Variants in PARD3B observed in about 807,000 individuals in gnomAD.
PARD3B encodes the protein par-3 family cell polarity regulator beta, also known as partitioning defective 3 homolog B.
In PARD3B, 103 loss-of-function variants were observed where a neutral mutation model predicts 130.2. The ratio of observed to expected loss-of-function variants is 0.79; its 90% CI spans 0.67 to 0.93. The LOEUF (loss-of-function observed/expected upper bound fraction) is 0.93, where lower values mean the gene tolerates loss of function less well. Among genes scored for constraint, PARD3B ranks in the 40% least tolerant of loss-of-function variants. PARD3B has a pLI of 0.00. For synonymous variants in PARD3B, 583 were observed against 553.2 expected (o/e 1.05, Z -0.76); for missense variants, 1,609 against 1,499.2 (o/e 1.07, Z -1.21).
chr2:205,364,601 C>G (rs192185283), intron 18 of PARD3B, among the ~76,000 whole-genome samples: 1 of 152,294 alleles, frequency 6.6e-6, no homozygotes, highest in Non-Finnish European at 1.5e-5. Flanking sequence ...ATTTTGTTCA[C>G]AACTCTTGAA....
At chr2:205,233,841 A>T (rs931335309) in intron 15 of PARD3B, among the ~76,000 whole-genome samples, 1 of 152,208 alleles carries the variant, frequency 6.6e-6, no homozygotes, top group Non-Finnish European at 1.5e-5. Flanking sequence ...ACTGAAAGTG[A>T]CAACAGAATG....
At chr2:205,047,744 A>G (rs1252293512) in intron 4 of PARD3B, 54 bp downstream of exon 4, 1 of 1,311,882 alleles carries the variant, frequency 7.6e-7, no homozygotes, top group Non-Finnish European at 1.1e-6. Flanking sequence ...CTGTACCCAT[A>G]GGTTAAGTGG....
intron 18 of PARD3B, among the ~76,000 whole-genome samples, chr2:205,332,415 GA>G (rs1399315246): frequency 6.6e-6 from 1 of 152,040 alleles, no homozygotes. Flanking sequence ...GGGAGAAAAA[GA>G]GAAGGAAGGA....
chr2:205,282,018 A>AT (rs1037975379), intron 16 of PARD3B, among the ~76,000 whole-genome samples: 8 of 152,114 alleles, frequency 5.3e-5, no homozygotes, highest in Non-Finnish European at 1.0e-4. Flanking sequence ...TAAACAAATA[A>AT]TTTTTTTCAA....
intron 10 of PARD3B, among the ~76,000 whole-genome samples, chr2:205,134,656 A>G (rs371926985): frequency 1.3e-5 from 2 of 152,192 alleles, no homozygotes; most frequent in East Asian, 3.8e-4. Flanking sequence ...AATGTGCTCA[A>G]TAGCCCACAA....
intron 16 of PARD3B, among the ~76,000 whole-genome samples, chr2:205,252,377 T>C (rs2039886110): frequency 6.6e-6 from 1 of 152,086 alleles, no homozygotes; most frequent in Admixed American, 6.5e-5. Context: ...GGAGAAAAAA[T>C]ACAAATGCCT....
At chr2:204,939,964 T>C (rs536751307) in intron 2 of PARD3B, among the ~76,000 whole-genome samples, 1 of 152,312 alleles carries the variant, frequency 6.6e-6, no homozygotes, top group Non-Finnish European at 1.5e-5. Context: ...ATACCTGCTA[T>C]TTTACTGTAG....
At chr2:204,648,642 T>TTA (rs1314283450) in intron 1 of PARD3B, among the ~76,000 whole-genome samples, 2 of 117,654 alleles carry the variant, frequency 1.7e-5, no homozygotes, top group Non-Finnish European at 3.3e-5. Context: ...ATAATATATA[T>TTA]TATATATATA....
intron 2 of PARD3B, among the ~76,000 whole-genome samples, chr2:204,898,010 T>A (rs182109301): frequency 6.0e-4 from 92 of 152,172 alleles, no homozygotes; most frequent in Admixed American, 1.8e-3. Flanking sequence ...TGAAAAGCTC[T>A]GAAGGTGGTA....
At chr2:205,112,534 T>C (rs1703716357) in intron 5 of PARD3B, among the ~76,000 whole-genome samples, 1 of 152,112 alleles carries the variant, frequency 6.6e-6, no homozygotes, top group South Asian at 2.1e-4. Context: ...GTCATTTTCA[T>C]GTAAATAGGG....
intron 4 of PARD3B, among the ~76,000 whole-genome samples, chr2:205,080,227 T>C (rs959940112): frequency 6.6e-6 from 1 of 152,140 alleles, no homozygotes; most frequent in African/African-American, 2.4e-5. Flanking sequence ...TTTTTCTTGA[T>C]TTGTCAACTT....
intron 3 of PARD3B, among the ~76,000 whole-genome samples, chr2:205,040,370 G>T (rs956079314): frequency 1.3e-5 from 2 of 152,180 alleles, no homozygotes; most frequent in Non-Finnish European, 2.9e-5. Flanking sequence ...AGCAAGAAAA[G>T]GGGGAGCAGC....
intron 2 of PARD3B, among the ~76,000 whole-genome samples, chr2:204,854,059 G>A (rs563289200): frequency 2.2e-4 from 34 of 152,228 alleles, no homozygotes; most frequent in Non-Finnish European, 3.8e-4. Context: ...GAGCATTTGC[G>A]AAGATCCTGA....
chr2:205,372,495 T>A (rs541302939), intron 18 of PARD3B, among the ~76,000 whole-genome samples: 1 of 152,306 alleles, frequency 6.6e-6, no homozygotes, highest in Non-Finnish European at 1.5e-5. Flanking sequence ...GTCTATCAGT[T>A]TCCAGTCATT....
At chr2:205,113,397 T>G (rs1444499380) in intron 5 of PARD3B, 94 bp from the exon 6 acceptor site, 95 of 210,526 alleles carry the variant, frequency 4.5e-4, no homozygotes, top group East Asian at 8.8e-4. Context: ...AGCAGGGGTG[T>G]GTGTGTGTGT....
chr2:205,353,087 T>G (rs761521767), intron 18 of PARD3B, among the ~76,000 whole-genome samples: 2 of 152,212 alleles, frequency 1.3e-5, no homozygotes, highest in Non-Finnish European at 2.9e-5. Context: ...ACAGATGTCT[T>G]TAACTCGTTA....
At chr2:205,210,675 G>C (rs13425339) in intron 15 of PARD3B, among the ~76,000 whole-genome samples, 1 of 151,944 alleles carries the variant, frequency 6.6e-6, no homozygotes, top group African/African-American at 2.4e-5. Flanking sequence ...CAGAAAAGCA[G>C]TTTTGCTCGT....
At chr2:204,720,168 C>T (rs1004573614) in intron 2 of PARD3B, among the ~76,000 whole-genome samples, 1 of 152,138 alleles carries the variant, frequency 6.6e-6, no homozygotes, top group Admixed American at 6.5e-5. Flanking sequence ...ACATTTTACT[C>T]TTACAGTTTT....
At position 205,483,702 on chromosome 2, in the gene PARD3B, A is replaced by G. The variant is rs190059896; in HGVS notation, c.3045-16194A>G. On this transcript the variant is annotated intron_variant, in intron 20 of 22. Transcript: ENST00000406610. ...TCCCTTTTTTTCAAGTTATAAATTTAGAAGCTCTCTTAGATATACAATAGG... is the reference window on the plus strand; with the variant it reads ...TCCCTTTTTTTCAAGTTATAAATTTGGAAGCTCTCTTAGATATACAATAGG... 7.2e-5 allele frequency among the ~76,000 whole-genome samples: 11 copies of G among 152,240 alleles called. No homozygotes were observed. In the East Asian group the frequency reaches 1.9e-3, roughly 27 times the overall value.
Sources: allele counts gnomAD v4.1 joint callset (sites outside exome capture counted in the v4.1 genomes callset), GRCh38; gene constraint gnomAD v4.1.1; transcripts MANE v1.5; gene names NCBI Gene and HGNC (gene_info 2026-07-23, HGNC 2026-07-21).